The following UGT1A6 variants were observed in gnomAD, a reference collection of about 807,000 sequenced individuals.
UGT1A6 encodes the protein UDP glucuronosyltransferase family 1 member A6.
Under a neutral mutation model 44.4 loss-of-function variants are expected in UGT1A6, and 32 were observed. The observed-to-expected ratio is 0.72, with a 90% CI of 0.54 to 0.97. UGT1A6 has a LOEUF of 0.97. Ranked by LOEUF, UGT1A6 falls within the 50% of genes least tolerant of loss-of-function variation. The pLI is 0.00. For synonymous variants in UGT1A6, 238 were observed against 248.5 expected (o/e 0.96, Z 0.40); for missense variants, 685 against 661.9 (o/e 1.03, Z -0.38).
chr2:233,750,271 C>T (rs1694411042), intron 1 of UGT1A6, among the ~76,000 whole-genome samples: 1 of 151,886 alleles, frequency 6.6e-6, no homozygotes, highest in South Asian at 2.1e-4. Flanking sequence ...TATGCTTTAG[C>T]AAAGAGACTG....
At chr2:233,749,443 T>C (rs551988322) in intron 1 of UGT1A6, among the ~76,000 whole-genome samples, 4 of 151,902 alleles carry the variant, frequency 2.6e-5, no homozygotes, top group Non-Finnish European at 5.9e-5. Flanking sequence ...GTCATCTCAG[T>C]GGAGCAGAAC....
At chr2:233,746,150 G>A (rs1029682140) in intron 1 of UGT1A6, among the ~76,000 whole-genome samples, 1 of 151,866 alleles carries the variant, frequency 6.6e-6, no homozygotes, top group African/African-American at 2.4e-5. Flanking sequence ...GTGATAGCAT[G>A]ATTCCAAAGC....
chr2:233,696,741 G>A (rs2075357541), intron 1 of UGT1A6, among the ~76,000 whole-genome samples: 1 of 152,080 alleles, frequency 6.6e-6, no homozygotes, highest in African/African-American at 2.4e-5. Context: ...ACCCTTTTCA[G>A]TATGATGTTA....
rs1402527560 is a variant in UGT1A6, at chr2:233,772,791, CAT to C, written c.*233_*234del. On this transcript the variant is annotated 3_prime_UTR_variant, in exon 5 of 5. Transcript: ENST00000305139. Reference sequence around the variant, plus strand: ...CCTCTGGTGTCTTTGATCAGGATGACATGTGCCATTTTTCAGAGGACGTGCAG... The same window carrying C: ...CCTCTGGTGTCTTTGATCAGGATGACGTGCCATTTTTCAGAGGACGTGCAG... The C allele has an allele frequency of 3.3e-6, 4 of 1,224,574 alleles. No homozygotes were observed. The highest frequency in any genetic ancestry group is 1.7e-5 in the South Asian group (1 of 59,936). The allele number at this position is 1,224,574 out of a possible 1,614,324, so 75.9% of individuals were successfully genotyped here. A position where few individuals can be genotyped will look rare whatever the true frequency, so the allele number is the denominator to read the frequency against.
chr2:233,728,351 G>C (rs1396406554), intron 1 of UGT1A6, among the ~76,000 whole-genome samples: 1 of 152,180 alleles, frequency 6.6e-6, no homozygotes, highest in Non-Finnish European at 1.5e-5. Context: ...TGGTGAGCAG[G>C]AGCTCCCTGA....
intron 1 of UGT1A6, among the ~76,000 whole-genome samples, chr2:233,720,871 ATTTT>A (rs60621337): frequency 2.3e-5 from 3 of 132,772 alleles, no homozygotes; most frequent in African/African-American, 8.6e-5. Flanking sequence ...GCTCCTGGCA[ATTTT>A]TTTTTTTTTT....
At chr2:233,760,184 G>A in intron 1 of UGT1A6, 1 of 1,553,564 alleles carries the variant, frequency 6.4e-7, no homozygotes, top group Non-Finnish European at 8.7e-7. Flanking sequence ...GCTTTTTATA[G>A]TCACGTGACA....
rs138617806 is a variant in UGT1A6 at position 233,729,585 on chromosome 2, C to A, written c.861+35720C>A. The A allele has an allele frequency of 2.5e-6, 4 of 1,613,966 alleles. No homozygotes were observed. The African/African-American group carries it at 5.3e-5, about 22-fold the overall frequency. The stretch of plus-strand genomic sequence containing the variant: ...CCTTTGATGTGGTTTTAACAGACCC[C>A]GTTAACCTCTGCGCGGCAGTGCTGG... On this transcript the variant is annotated intron_variant, in intron 1 of 4. Coordinates refer to ENST00000305139, the MANE Select transcript of UGT1A6 (RefSeq NM_001072.4).
chr2:233,694,260 G>A (rs7592624), intron 1 of UGT1A6, among the ~76,000 whole-genome samples: 87,410 of 151,760 alleles, frequency 0.58, 25,440 homozygotes, highest in South Asian at 0.64. Flanking sequence ...AGGGACCAGC[G>A]AACTACAGCC....
upstream of UGT1A6, chr2:233,691,974 T>A (rs2075070882): frequency 3.3e-5 from 5 of 152,254 alleles, no homozygotes; most frequent in Admixed American, 3.3e-4. Context: ...TCCCTTTCGA[T>A]CACACCTAAG....
At chr2:233,764,328 G>A (rs35377848) in intron 1 of UGT1A6, among the ~76,000 whole-genome samples, 4 of 152,284 alleles carry the variant, frequency 2.6e-5, no homozygotes, top group East Asian at 3.9e-4. Flanking sequence ...TTGCCAAGTA[G>A]GGGATGGACT....
chr2:233,755,067 T>G, intron 1 of UGT1A6: 1 of 1,335,754 alleles, frequency 7.5e-7, no homozygotes, highest in Non-Finnish European at 1.0e-6. Context: ...CGCCTCGCCA[T>G]AGCGGTCATA....
At chr2:233,753,258 G>C (rs935441896) in intron 1 of UGT1A6, 1 of 152,170 alleles carries the variant, frequency 6.6e-6, no homozygotes. Context: ...CAACTACCCA[G>C]GCACCTTGGA....
chr2:233,759,602 C>T (rs1283516103), intron 1 of UGT1A6, among the ~76,000 whole-genome samples: 2 of 135,262 alleles, frequency 1.5e-5, no homozygotes, highest in African/African-American at 5.3e-5. Flanking sequence ...ACCCCCGACC[C>T]GCCCCACCCA....
intron 1 of UGT1A6, among the ~76,000 whole-genome samples, chr2:233,738,037 G>A (rs542059461): frequency 6.6e-6 from 1 of 152,044 alleles, no homozygotes; most frequent in South Asian, 2.1e-4. Context: ...TAATCCCCAC[G>A]TGTTGAGGAC....
At chr2:233,728,679 GAA>G (rs1247668399) in intron 1 of UGT1A6, among the ~76,000 whole-genome samples, 1 of 152,248 alleles carries the variant, frequency 6.6e-6, no homozygotes, top group Non-Finnish European at 1.5e-5. Flanking sequence ...TACATGAGAA[GAA>G]AGTTTCAAGG....
chr2:233,713,194 A>G (rs1296719846), intron 1 of UGT1A6: 3 of 1,614,210 alleles, frequency 1.9e-6, no homozygotes, highest in South Asian at 1.1e-5. Flanking sequence ...GTGAATATGT[A>G]CATCAAAGAA....
chr2:233,710,310 G>C (rs566439380), intron 1 of UGT1A6, among the ~76,000 whole-genome samples: 1 of 152,308 alleles, frequency 6.6e-6, no homozygotes, highest in Non-Finnish European at 1.5e-5. Flanking sequence ...TGCATGGTAG[G>C]TGTATGTATG....
chr2:233,772,803 T>C lies in UGT1A6; in HGVS notation c.*244T>C. On this transcript the variant is annotated 3_prime_UTR_variant, in exon 5 of 5. Transcript: ENST00000305139. The stretch of plus-strand genomic sequence containing the variant: ...TTGATCAGGATGACATGTGCCATTT[T>C]TCAGAGGACGTGCAGACAGGCTGGC... 8.8e-7 allele frequency: 1 copy of C among 1,134,554 alleles called. No homozygotes were observed. Among genetic ancestry groups the C allele is most frequent in the Non-Finnish European group, 1.2e-6 (1 of 843,778 alleles). The allele number at this position is 1,134,554 out of a possible 1,614,324, so 70.3% of individuals were successfully genotyped here.
Sources: gnomAD v4.1 joint callset for allele counts (sites outside exome capture counted in the v4.1 genomes callset) on GRCh38, gnomAD v4.1.1 for gene constraint, MANE v1.5 for transcripts, NCBI Gene and HGNC (gene_info 2026-07-23, HGNC 2026-07-21) for gene names.